RSPH10B: variants seen among roughly 807,000 people sequenced by gnomAD.
RSPH10B encodes radial spoke head 10 homolog B (Chlamydomonas).
In RSPH10B, 7 loss-of-function variants were observed where a neutral mutation model predicts 52.5. The ratio of observed to expected loss-of-function variants is 0.13; its 90% CI spans 0.08 to 0.25. The LOEUF (loss-of-function observed/expected upper bound fraction) is 0.25. RSPH10B is among the 10% of genes least tolerant of loss of function. RSPH10B has a pLI of 1.00. For synonymous variants in RSPH10B, 28 were observed against 193.2 expected (o/e 0.14, Z 7.09); for missense variants, 89 against 542.5 (o/e 0.16, Z 8.30).
chr7:5,941,668 C>T (rs62454678), intron 13 of RSPH10B, among the ~76,000 whole-genome samples: 40,565 of 127,614 alleles, frequency 0.32, 3,314 homozygotes, highest in Admixed American at 0.37. Context: ...TGCTTGAACC[C>T]GGGAGGCGGA....
chr7:5,942,997 C>G (rs982841156), intron 13 of RSPH10B, among the ~76,000 whole-genome samples: 3 of 147,652 alleles, frequency 2.0e-5, no homozygotes, highest in African/African-American at 5.0e-5. Context: ...ACTCCTTGAC[C>G]TCAGGTGATC....
At chr7:5,938,509 C>T (rs1228805091) in intron 14 of RSPH10B, among the ~76,000 whole-genome samples, 2 of 47,492 alleles carry the variant, frequency 4.2e-5, no homozygotes, top group South Asian at 6.8e-4. Flanking sequence ...ACCCGGGAGG[C>T]GGAGCTTGCA....
intron 17 of RSPH10B, among the ~76,000 whole-genome samples, chr7:5,931,525 A>C (rs1410826470): frequency 1.3e-5 from 2 of 151,402 alleles, no homozygotes; most frequent in African/African-American, 4.9e-5. Context: ...CGGGAGTTCA[A>C]GACCAGCCTG....
chr7:5,961,745 T>C (rs1780957672), intron 3 of RSPH10B, among the ~76,000 whole-genome samples: 1 of 3,146 alleles, frequency 3.2e-4, no homozygotes, highest in Non-Finnish European at 8.7e-4. Flanking sequence ...CAATCATAGC[T>C]CACTGCAGCC....
chr7:5,927,058 G>C (rs1286445223), intron 18 of RSPH10B, among the ~76,000 whole-genome samples: 1 of 82,998 alleles, frequency 1.2e-5, no homozygotes, highest in Non-Finnish European at 2.4e-5. Flanking sequence ...TTATGTGTGT[G>C]TGTGTGTGTA....
chr7:5,926,776 CAG>C lies in RSPH10B; in HGVS notation c.2433-230_2433-229del, dbSNP rs1477063610. 5.8e-5 allele frequency among the ~76,000 whole-genome samples: 8 copies of C among 138,920 alleles called. No homozygotes were observed. The South Asian group carries it at 9.2e-4, about 16-fold the overall frequency. The allele number at this position is 138,920 out of a possible 152,430, so 91.1% of individuals were successfully genotyped here. ...AAAGAAAATTTTTTCTCGAGACAGA[CAG>C]AGTTTCGCTCTTGTTGCCCAGGCTG... is the stretch of plus-strand genomic sequence containing the variant. On this transcript the variant is annotated intron_variant, in intron 18 of 18. Coordinates refer to ENST00000337579, the Ensembl canonical transcript of RSPH10B.
chr7:5,953,844 A>C (rs1583237744), intron 7 of RSPH10B, among the ~76,000 whole-genome samples: 2 of 142,046 alleles, frequency 1.4e-5, no homozygotes, highest in Admixed American at 1.4e-4. Flanking sequence ...CACAATACAG[A>C]CTCCCTGATT....
intron 13 of RSPH10B, among the ~76,000 whole-genome samples, chr7:5,942,621 G>C (rs2128629561): frequency 1.4e-5 from 2 of 147,812 alleles, no homozygotes; most frequent in South Asian, 4.2e-4. Context: ...CGGCACTTAG[G>C]GAGGCTGAGG....
chr7:5,927,053 TG>T (rs1779493890), intron 18 of RSPH10B, among the ~76,000 whole-genome samples: 1 of 67,402 alleles, frequency 1.5e-5, no homozygotes, highest in Non-Finnish European at 3.1e-5. Flanking sequence ...GTGTATTATG[TG>T]TGTGTGTGTG....
intron 17 of RSPH10B, among the ~76,000 whole-genome samples, chr7:5,928,955 G>A (rs1021725029): frequency 2.0e-5 from 3 of 147,210 alleles, no homozygotes; most frequent in African/African-American, 7.7e-5. Context: ...TAAGAATTTG[G>A]GTTTTCTGAT....
At chr7:5,954,463 C>A (rs1323763439) in intron 7 of RSPH10B, among the ~76,000 whole-genome samples, 1 of 20,026 alleles carries the variant, frequency 5.0e-5, no homozygotes, top group African/African-American at 2.0e-4. Flanking sequence ...TTTGTCAAAC[C>A]CAGGCCAATA....
At chr7:5,931,415 A>G (rs1231550150) in intron 17 of RSPH10B, among the ~76,000 whole-genome samples, 12 of 151,466 alleles carry the variant, frequency 7.9e-5, no homozygotes, top group African/African-American at 2.9e-4. Context: ...GCGGCCGGCC[A>G]TAGAGAGACA....
chr7:5,947,891 T>TGTGA (rs1216412138), intron 10 of RSPH10B, among the ~76,000 whole-genome samples: 6 of 92,732 alleles, frequency 6.5e-5, no homozygotes, highest in African/African-American at 1.3e-4. Context: ...TGTGTGTGTG[T>TGTGA]GATGGAGTCT....
chr7:5,948,342 C>T (rs1199825226), exon 10 of RSPH10B: 1 of 19,016 alleles, frequency 5.3e-5, no homozygotes, highest in South Asian at 3.2e-4. Flanking sequence ...GTGGCCGCAT[C>T]CCAGGCTGCT....
chr7:5,955,108 C>T (rs533157291), intron 7 of RSPH10B, among the ~76,000 whole-genome samples: 9 of 139,172 alleles, frequency 6.5e-5, no homozygotes, highest in African/African-American at 1.5e-4. Context: ...GAGGTTGCAG[C>T]GAGCCGAGAT....
At chr7:5,933,350 A>G (rs71236099) in intron 16 of RSPH10B, among the ~76,000 whole-genome samples, 6,283 of 74,134 alleles carry the variant, frequency 0.085, 273 homozygotes, top group South Asian at 0.1. Flanking sequence ...TAAAATATTT[A>G]TATTATTAAT....
intron 10 of RSPH10B, among the ~76,000 whole-genome samples, chr7:5,947,860 TTGTGTGTGTGTG>T (rs201265529): frequency 1.1e-4 from 10 of 90,822 alleles, no homozygotes; most frequent in Middle Eastern, 6.0e-3. Flanking sequence ...CCCCTGCCTT[TTGTGTGTGTGTG>T]TGTGTGTGTG....
intron 13 of RSPH10B, among the ~76,000 whole-genome samples, chr7:5,941,740 C>T (rs1468480086): frequency 1.1e-4 from 15 of 133,740 alleles, no homozygotes; most frequent in Non-Finnish European, 1.7e-4. Context: ...GAGACTTTGT[C>T]TAAAAAAAAA....
At chr7:5,933,742 G>A (rs1178692781) in intron 16 of RSPH10B, among the ~76,000 whole-genome samples, 2 of 122,174 alleles carry the variant, frequency 1.6e-5, no homozygotes, top group African/African-American at 3.1e-5. Context: ...ACTCCAGCCT[G>A]GGCGACAGAG....
Sources: gnomAD v4.1 joint callset for allele counts (sites outside exome capture counted in the v4.1 genomes callset) on GRCh38, gnomAD v4.1.1 for gene constraint, MANE v1.5 for transcripts, NCBI Gene and HGNC (gene_info 2026-07-23, HGNC 2026-07-21) for gene names.